Variants in TCEANC2 observed in about 807,000 individuals in gnomAD.
TCEANC2 encodes transcription elongation factor A N-terminal and central domain containing 2.
TCEANC2 carries 20 observed loss-of-function variants against 22.8 expected under a neutral mutation model. The observed-to-expected ratio is 0.88, with a 90% CI of 0.62 to 1.28. The LOEUF is 1.28. TCEANC2 is among the 50% of genes most tolerant of loss of function. The probability of loss-of-function intolerance (pLI) is 0.00; values close to 1 mark genes in which losing one functional copy is unlikely to be tolerated. For missense variants in TCEANC2, 251 were observed against 249.7 expected, an observed-to-expected ratio of 1.01 and a Z score of -0.03; for synonymous variants, 84 against 95.5, an observed-to-expected ratio of 0.88 and a Z score of 0.70.
At chr1:54,092,624 C>T (rs186154238) in intron 4 of TCEANC2, among the ~76,000 whole-genome samples, 99 of 152,284 alleles carry the variant, frequency 6.5e-4, no homozygotes, top group African/African-American at 2.1e-3. Flanking sequence ...GAAATGGATA[C>T]AACATGGTTT....
At chr1:54,057,115 C>A (rs1006862715) in intron 2 of TCEANC2, among the ~76,000 whole-genome samples, 1 of 151,744 alleles carries the variant, frequency 6.6e-6, no homozygotes, top group Non-Finnish European at 1.5e-5. Context: ...TTCTTCCAAA[C>A]CTCTTCCTTG....
chr1:54,089,966 T>C lies in TCEANC2; in HGVS notation c.438+1176T>C, dbSNP rs997232345. 6.9e-6 allele frequency: 5 copies of C among 723,020 alleles called. No homozygotes were observed. The African/African-American group carries it at 8.8e-5, about 13-fold the overall frequency. 44.8% of individuals were successfully genotyped at this position (723,020 alleles called of 1,614,324 possible). ...GTACACCTGATTTTCATGATAAATA[T>C]GGTAGTGCTGTATTAGCTAGTGGAA... On this transcript the variant is annotated intron_variant, in intron 4 of 4. Transcript: ENST00000234827.
In TCEANC2 at chr1:54,096,213, T is replaced by G; in HGVS notation, c.439-72T>G. ...GATTAATGGAGGCCTCTGAGCAGAG[T>G]GCTCCAGCCTCTCTTGCTTTTAATC... On this transcript the variant is annotated intron_variant, in intron 4 of 4. Transcript: ENST00000234827. This position sits in a 1 kb window ranked among gnomAD's most constrained non-coding sequence, Gnocchi z 4.9. 1 of 1,506,588 alleles carries G rather than the reference T, an allele frequency of 6.6e-7. No homozygotes were observed. The highest frequency in any genetic ancestry group is 8.9e-7 in the Non-Finnish European group (1 of 1,118,504). The allele number at this position is 1,506,588 out of a possible 1,614,324, so 93.3% of individuals were successfully genotyped here.
At position 54,096,878 on chromosome 1, in the gene TCEANC2, C is replaced by G. The variant is rs1290011704; in HGVS notation, c.*405C>G. The G allele has an allele frequency of 3.0e-6, 3 of 990,698 alleles. No individual in the cohort carries two copies. Among genetic ancestry groups the G allele is most frequent in the Non-Finnish European group, 3.6e-6 (3 of 833,078 alleles). 61.4% of individuals were successfully genotyped at this position (990,698 alleles called of 1,614,324 possible). A position where few individuals can be genotyped will look rare whatever the true frequency, so the allele number is the denominator to read the frequency against. ...AACTCAATTACCGCTGCCGCTCACT[C>G]GGTTCCATCCCCCTGAGTTTAGATA... On this transcript the variant is annotated 3_prime_UTR_variant, in exon 5 of 5. Transcript: ENST00000234827. The surrounding 1 kb of genome is among the most constrained non-coding windows in gnomAD (Gnocchi z 4.9).
chr1:54,060,538 C>T (rs528604309), intron 2 of TCEANC2, among the ~76,000 whole-genome samples: 1 of 152,132 alleles, frequency 6.6e-6, no homozygotes, highest in East Asian at 1.9e-4. Context: ...CACTGTACTC[C>T]AGCCTGGGCA....
exon 5 of TCEANC2, chr1:54,111,588 G>A (rs866737947): frequency 1.2e-4 from 19 of 152,250 alleles, no homozygotes; most frequent in Middle Eastern, 6.8e-3. Flanking sequence ...CGTTGCTCCC[G>A]GGTGAGGCCT....
At chr1:54,071,581 A>G (rs909950182) in intron 3 of TCEANC2, among the ~76,000 whole-genome samples, 21 of 152,170 alleles carry the variant, frequency 1.4e-4, no homozygotes, top group African/African-American at 9.7e-5. Context: ...ACCTAATCTC[A>G]GAAGTGATAT....
chr1:54,073,371 C>G (rs1269027168), intron 3 of TCEANC2, among the ~76,000 whole-genome samples: 3 of 152,218 alleles, frequency 2.0e-5, no homozygotes, highest in African/African-American at 7.2e-5. Context: ...CATCTCTGAC[C>G]TGGAATACTT....
In TCEANC2 at chr1:54,096,499, C is replaced by A. The variant is rs1658557774; in HGVS notation, c.*26C>A. ...CCTGAGGACGGTTCCAGCCCTGGGC[C>A]AGGCAGAGAGGAAAATGGGCCTGTC... On this transcript the variant is annotated 3_prime_UTR_variant, in exon 5 of 5. Coordinates refer to ENST00000234827, the MANE Select transcript of TCEANC2 (RefSeq NM_153035.3). The surrounding 1 kb of genome is among the most constrained non-coding windows in gnomAD (Gnocchi z 4.9). The A allele has an allele frequency of 6.4e-6, 10 of 1,574,424 alleles. No homozygotes were observed. Among genetic ancestry groups the A allele is most frequent in the African/African-American group, 1.3e-5 (1 of 74,196 alleles).
At chr1:54,082,002 A>T (rs946218618) in intron 3 of TCEANC2, among the ~76,000 whole-genome samples, 3 of 152,220 alleles carry the variant, frequency 2.0e-5, no homozygotes, top group African/African-American at 7.2e-5. Flanking sequence ...CCTGTGTGCC[A>T]GTCCCTAATA....
rs138215516 is a variant in TCEANC2, at chr1:54,103,815, G to A, written c.*7342G>A. On this transcript the variant is annotated 3_prime_UTR_variant, in exon 5 of 5. Transcript: ENST00000234827. The stretch of plus-strand genomic sequence containing the variant: ...TGGCATAGATGTATATTCCAGATAC[G>A]AGTTCATCTTCACTGCTTGTAGAGC... 2.6e-5 allele frequency: 4 copies of A among 152,298 alleles called. No individual in the cohort carries two copies. Among genetic ancestry groups the A allele is most frequent in the African/African-American group, 9.6e-5 (4 of 41,556 alleles). 9.4% of individuals were successfully genotyped at this position (152,298 alleles called of 1,614,324 possible). A position where few individuals can be genotyped will look rare whatever the true frequency, so the allele number is the denominator to read the frequency against.
intron 2 of TCEANC2, among the ~76,000 whole-genome samples, chr1:54,061,794 G>T (rs1314407946): frequency 6.6e-6 from 1 of 151,996 alleles, no homozygotes; most frequent in African/African-American, 2.4e-5. Flanking sequence ...AACTGAAGAG[G>T]TATAAAAATC....
chr1:54,087,436 G>T (rs1473449044), intron 3 of TCEANC2, among the ~76,000 whole-genome samples: 14 of 152,062 alleles, frequency 9.2e-5, no homozygotes. Flanking sequence ...TTGTGTTGTT[G>T]CTGAGGTATT....
chr1:54,069,624 A>G (rs968415536), intron 3 of TCEANC2, among the ~76,000 whole-genome samples: 1 of 151,868 alleles, frequency 6.6e-6, no homozygotes, highest in African/African-American at 2.4e-5. Flanking sequence ...AAAAAAAGAA[A>G]CTTAGAGTTT....
intron 4 of TCEANC2, among the ~76,000 whole-genome samples, chr1:54,089,012 T>G (rs1379839133): frequency 6.6e-6 from 1 of 152,146 alleles, no homozygotes; most frequent in Non-Finnish European, 1.5e-5. Context: ...GAGACAGTGT[T>G]GTAGGAGGCA....
At chr1:54,092,813 A>G (rs535336628) in intron 4 of TCEANC2, among the ~76,000 whole-genome samples, 31 of 152,340 alleles carry the variant, frequency 2.0e-4, no homozygotes, top group African/African-American at 7.2e-4. Context: ...CCACTGATGA[A>G]GGAGCTCAAG....
chr1:54,091,395 C>G (rs1434262296), intron 4 of TCEANC2, among the ~76,000 whole-genome samples: 1 of 152,178 alleles, frequency 6.6e-6, no homozygotes, highest in Non-Finnish European at 1.5e-5. Context: ...CGTAAATGTA[C>G]TTAATCAGGC....
chr1:54,083,225 C>CA (rs1347938286), intron 3 of TCEANC2, among the ~76,000 whole-genome samples: 1 of 152,082 alleles, frequency 6.6e-6, no homozygotes, highest in East Asian at 1.9e-4. Context: ...GTCTCGTGCT[C>CA]AGTGAGAACC....
At position 54,054,525 on chromosome 1, in the gene TCEANC2, G is replaced by A; in HGVS notation, c.102+1G>A. 6.2e-7 allele frequency: 1 copy of A among 1,611,886 alleles called. No homozygotes were observed. Among genetic ancestry groups the A allele is most frequent in the Non-Finnish European group, 8.5e-7 (1 of 1,179,036 alleles). ...GCAGGCCACGATTGAATCTCTGAAG[G>A]TGAGAGGGGATCTGGGGCTAGAGGA... On this transcript the variant is annotated splice_donor_variant, in intron 2 of 4. Transcript: ENST00000234827. LOFTEE classifies it high-confidence loss of function.
Sources: allele counts gnomAD v4.1 joint callset (sites outside exome capture counted in the v4.1 genomes callset), GRCh38; gene constraint gnomAD v4.1.1; non-coding constraint Gnocchi (gnomAD v3.1); transcripts MANE v1.5; gene names NCBI Gene and HGNC (gene_info 2026-07-23, HGNC 2026-07-21).